FGD4: variants seen among roughly 807,000 people sequenced by gnomAD.
FGD4 encodes the protein FYVE, RhoGEF and PH domain-containing protein 4.
Under a neutral mutation model 102.0 loss-of-function variants are expected in FGD4, and 42 were observed. The observed-to-expected ratio is 0.41, with a 90% confidence interval of 0.32 to 0.53. The LOEUF (loss-of-function observed/expected upper bound fraction) is 0.53. Ranked by LOEUF, FGD4 falls within the 20% of genes least tolerant of loss-of-function variation. The pLI is 0.21. For synonymous variants in FGD4, 380 were observed against 375.7 expected (o/e 1.01, Z -0.13); for missense variants, 902 against 1,078.2 (o/e 0.84, Z 2.29).
chr12:32,624,889 C>T, intron 12 of FGD4, 87 bp from the exon 13 acceptor site: 1 of 1,144,792 alleles, frequency 8.7e-7, no homozygotes, highest in Non-Finnish European at 1.3e-6. Context: ...AAAGTGATTC[C>T]TATCATAGAT....
rs543443384 is a variant in FGD4 at position 32,401,890 on chromosome 12, C to A, written c.166+1931C>A. Among the ~76,000 whole-genome samples the A allele has an allele frequency of 5.4e-4, 80 of 148,568 alleles. 1 individual carries two copies. Among genetic ancestry groups the A allele is most frequent in the Non-Finnish European group, 4.9e-4 (33 of 67,350 alleles). ...TACAGGTGCCTGCCACCATGCACAG[C>A]TAATTTTTGTACATTTTTTTTTTTT... On this transcript the variant is annotated intron_variant, in intron 1 of 16. Coordinates refer to ENST00000534526, the MANE Select transcript of FGD4 (RefSeq NM_001370298.3).
In FGD4 at chr12:32,598,507, A is replaced by T; in HGVS notation, c.1022A>T (p.Glu341Val). 3 of 1,612,810 alleles carry T rather than the reference A, an allele frequency of 1.9e-6. No individual in the cohort carries two copies. The South Asian group carries it at 3.3e-5, about 18-fold the overall frequency. Residue 341 changes from glutamate to valine, a missense_variant, in exon 5 of 17, where the codon GAG becomes GTG. Glu to Val is a moderately radical substitution (Grantham distance 121). Coordinates refer to ENST00000534526, the MANE Select transcript of FGD4 (RefSeq NM_001370298.3). ...DQHHEMKETN[E>V]QKLHKIANEL... ...CTTTCCAATTTTTAGGAGACTAATG[A>T]GCAAAAACTTCACAAAATAGCCAAT...
At chr12:32,520,799 T>C (rs1300819815) in intron 1 of FGD4, among the ~76,000 whole-genome samples, 1 of 152,088 alleles carries the variant, frequency 6.6e-6, no homozygotes, top group Non-Finnish European at 1.5e-5. Flanking sequence ...CTTACCTACA[T>C]TGTGTGCGAA....
At chr12:32,490,230 G>A in intron 1 of FGD4, among the ~76,000 whole-genome samples, 1 of 151,944 alleles carries the variant, frequency 6.6e-6, no homozygotes, top group Non-Finnish European at 1.5e-5. Context: ...CTACAGTTTT[G>A]ACTAAAAATT....
chr12:32,598,714 A>G, intron 5 of FGD4, 128 bp downstream of exon 5: 1 of 739,966 alleles, frequency 1.4e-6, no homozygotes, highest in South Asian at 1.6e-5. Flanking sequence ...GTACTTGCTC[A>G]AGGAAATCTC....
intron 2 of FGD4, among the ~76,000 whole-genome samples, chr12:32,572,225 C>G (rs564810837): frequency 7.2e-5 from 11 of 152,276 alleles, no homozygotes; most frequent in African/African-American, 1.4e-4. Flanking sequence ...CAACATGATT[C>G]TGCAGTTGTT....
intron 1 of FGD4, among the ~76,000 whole-genome samples, chr12:32,538,689 G>A (rs1942527087): frequency 6.6e-6 from 1 of 152,200 alleles, no homozygotes; most frequent in South Asian, 2.1e-4. Context: ...AAGCTTTGGG[G>A]TGTGAAACCA....
intron 1 of FGD4, among the ~76,000 whole-genome samples, chr12:32,439,567 T>C (rs771874974): frequency 2.0e-5 from 3 of 152,240 alleles, no homozygotes; most frequent in Non-Finnish European, 4.4e-5. Context: ...GCTATACTAA[T>C]TTACATTACT....
At position 32,640,545 on chromosome 12, in the gene FGD4, A is replaced by G. The variant is rs749723194; in HGVS notation, c.*12A>G. 1.2e-6 allele frequency: 2 copies of G among 1,612,938 alleles called. No homozygotes were observed. Among genetic ancestry groups the G allele is most frequent in the Non-Finnish European group, 1.7e-6 (2 of 1,180,000 alleles). On this transcript the variant is annotated 3_prime_UTR_variant, in exon 17 of 17. Transcript: ENST00000534526. ...AATCAGAATGCTGAACTCCTCCAGG[A>G]CCAGCCATGGTGTGGAGGTCTCAGG... is the stretch of plus-strand genomic sequence containing the variant.
intron 4 of FGD4, among the ~76,000 whole-genome samples, chr12:32,590,179 G>A (rs1947352347): frequency 6.6e-6 from 1 of 151,816 alleles, no homozygotes; most frequent in South Asian, 2.1e-4. Context: ...ATGGTGGCAG[G>A]CGCCTATAAT....
At chr12:32,442,792 A>G (rs939217785) in intron 1 of FGD4, among the ~76,000 whole-genome samples, 6 of 152,098 alleles carry the variant, frequency 3.9e-5, no homozygotes, top group African/African-American at 1.4e-4. Flanking sequence ...TCCTGAGCCC[A>G]GGTGATCCAC....
chr12:32,622,440 A>C (rs927328817), intron 11 of FGD4, among the ~76,000 whole-genome samples: 1 of 152,224 alleles, frequency 6.6e-6, no homozygotes, highest in African/African-American at 2.4e-5. Context: ...TTTATAACAT[A>C]TCCAACACGG....
At chr12:32,471,457 A>G (rs569585522) in intron 1 of FGD4, among the ~76,000 whole-genome samples, 5 of 152,178 alleles carry the variant, frequency 3.3e-5, no homozygotes, top group East Asian at 1.9e-4. Flanking sequence ...CTTTGTTTAA[A>G]TGTTGTTGAA....
At chr12:32,518,684 G>A (rs958947582) in intron 1 of FGD4, among the ~76,000 whole-genome samples, 2 of 152,126 alleles carry the variant, frequency 1.3e-5, no homozygotes, top group Non-Finnish European at 2.9e-5. Context: ...AGTGGACTGA[G>A]ATGATGTTAT....
chr12:32,480,599 G>C (rs925002905), intron 1 of FGD4, among the ~76,000 whole-genome samples: 2 of 149,636 alleles, frequency 1.3e-5, no homozygotes, highest in Non-Finnish European at 3.0e-5. Flanking sequence ...CTCCCAGGTT[G>C]AAGTGATTCT....
At chr12:32,405,874 T>C (rs1326974213) in intron 1 of FGD4, among the ~76,000 whole-genome samples, 1 of 151,480 alleles carries the variant, frequency 6.6e-6, no homozygotes, top group African/African-American at 2.5e-5. Flanking sequence ...CAAATCTCTT[T>C]TTTTTTTCAA....
intron 4 of FGD4, among the ~76,000 whole-genome samples, chr12:32,597,135 C>T (rs1406908615): frequency 6.6e-6 from 1 of 152,080 alleles, no homozygotes; most frequent in East Asian, 1.9e-4. Context: ...AGGATTAATT[C>T]ATTCTTGACA....
Position 32,622,781 on chromosome 12 carries a change from C to T in FGD4, c.1923-1641C>T, listed in dbSNP as rs371153809. ...GCTAATTTTTTATTTTTAATAGAGA[C>T]GGGGTTTCACCATGTTGTCCAGGCT... On this transcript the variant is annotated intron_variant, in intron 11 of 16. Transcript: ENST00000534526. Among the ~76,000 whole-genome samples the T allele has an allele frequency of 2.6e-4, 39 of 152,190 alleles. 1 individual carries two copies. The highest frequency in any genetic ancestry group is 1.6e-3 in the Admixed American group (25 of 15,288).
At chr12:32,493,650 A>G (rs1331478325) in intron 1 of FGD4, among the ~76,000 whole-genome samples, 1 of 152,206 alleles carries the variant, frequency 6.6e-6, no homozygotes, top group Admixed American at 6.5e-5. Flanking sequence ...TTGTTCTTTC[A>G]GCAAAGATTT....
Sources: allele counts gnomAD v4.1 joint callset (sites outside exome capture counted in the v4.1 genomes callset), GRCh38; gene constraint gnomAD v4.1.1; transcripts MANE v1.5; gene names NCBI Gene and HGNC (gene_info 2026-07-23, HGNC 2026-07-21).